The following RORA variants were observed in gnomAD, a reference collection of about 807,000 sequenced individuals.
RORA encodes the protein nuclear receptor ROR-alpha.
RORA carries 7 observed loss-of-function variants against 69.5 expected under a neutral mutation model. The ratio of observed to expected loss-of-function variants is 0.10; its 90% CI spans 0.06 to 0.19. The LOEUF (loss-of-function observed/expected upper bound fraction) is 0.19. RORA is among the 10% of genes least tolerant of loss of function. The pLI is 1.00. For synonymous variants in RORA, 261 were observed against 240.8 expected, an observed-to-expected ratio of 1.08 and a Z score of -0.78; for missense variants, 457 against 663.0, an observed-to-expected ratio of 0.69 and a Z score of 3.41.
chr15:60,510,633 G>A (rs2065664511), intron 5 of RORA: 1 of 152,560 alleles, frequency 6.6e-6, no homozygotes, highest in African/African-American at 2.4e-5. Flanking sequence ...TAAATGGCGG[G>A]AGTCAGGTGG....
At chr15:60,981,514 G>A in intron 1 of RORA, among the ~76,000 whole-genome samples, 1 of 151,824 alleles carries the variant, frequency 6.6e-6, no homozygotes, top group East Asian at 1.9e-4. Flanking sequence ...TTGTTCCTCT[G>A]ACTGGATACT....
At chr15:60,613,000 T>C (rs990029091) in intron 2 of RORA, among the ~76,000 whole-genome samples, 3 of 152,040 alleles carry the variant, frequency 2.0e-5, no homozygotes, top group African/African-American at 7.2e-5. Flanking sequence ...TTTTTACTTA[T>C]CTTTAAGGCC....
intron 1 of RORA, among the ~76,000 whole-genome samples, chr15:61,100,387 G>A (rs1396279806): frequency 6.6e-6 from 1 of 152,152 alleles, no homozygotes; most frequent in African/African-American, 2.4e-5. Context: ...CCCAAAGTAC[G>A]AGGATTACAG....
At chr15:61,173,172 C>T (rs1432223123) in intron 1 of RORA, among the ~76,000 whole-genome samples, 4 of 152,128 alleles carry the variant, frequency 2.6e-5, no homozygotes, top group Admixed American at 6.5e-5. Context: ...ATCCTATGAG[C>T]TGGGTACCAC....
chr15:60,553,008 C>G (rs1034371156), intron 2 of RORA, among the ~76,000 whole-genome samples: 1 of 152,124 alleles, frequency 6.6e-6, no homozygotes, highest in African/African-American at 2.4e-5. Context: ...CTCTCCAAAC[C>G]TCTATTTCCT....
chr15:60,806,962 A>G (rs1160959874), intron 1 of RORA, among the ~76,000 whole-genome samples: 1 of 152,178 alleles, frequency 6.6e-6, no homozygotes, highest in African/African-American at 2.4e-5. Context: ...ATTATACTGA[A>G]TGGGGAAAAG....
At chr15:60,843,919 T>C (rs937661907) in intron 1 of RORA, among the ~76,000 whole-genome samples, 3 of 152,204 alleles carry the variant, frequency 2.0e-5, no homozygotes, top group Non-Finnish European at 4.4e-5. Flanking sequence ...TGGCCCATCT[T>C]TCTACAGCCT....
intron 2 of RORA, among the ~76,000 whole-genome samples, chr15:60,561,065 TTTTTTG>T (rs2067529358): frequency 7.2e-6 from 1 of 138,018 alleles, no homozygotes; most frequent in African/African-American, 3.3e-5. Context: ...TGTTTTTTTT[TTTTTTG>T]TTTTGTTTTT....
intron 1 of RORA, among the ~76,000 whole-genome samples, chr15:61,076,670 C>T (rs763400751): frequency 3.9e-5 from 6 of 152,160 alleles, no homozygotes; most frequent in African/African-American, 9.6e-5. Flanking sequence ...ATCATCATGC[C>T]GTGGATCACT....
intron 1 of RORA, among the ~76,000 whole-genome samples, chr15:61,021,164 G>A (rs1214737984): frequency 6.6e-6 from 1 of 152,216 alleles, no homozygotes; most frequent in Admixed American, 6.5e-5. Context: ...GGCCTGCAAA[G>A]AGAGGTCCTC....
chr15:60,590,635 G>A (rs2068472663), intron 2 of RORA, among the ~76,000 whole-genome samples: 1 of 151,436 alleles, frequency 6.6e-6, no homozygotes, highest in African/African-American at 2.4e-5. Flanking sequence ...AACTGCAGAG[G>A]GCATTTAAGA....
chr15:61,142,150 T>G (rs1194710472), intron 1 of RORA, among the ~76,000 whole-genome samples: 1 of 35,594 alleles, frequency 2.8e-5, no homozygotes, highest in Non-Finnish European at 7.2e-5. Flanking sequence ...TTATAAAGTT[T>G]TTTTTTTTAT....
chr15:60,934,162 C>A (rs1191386739), intron 1 of RORA, among the ~76,000 whole-genome samples: 1 of 152,230 alleles, frequency 6.6e-6, no homozygotes, highest in Admixed American at 6.5e-5. Context: ...ATTAACAAGT[C>A]TCCTGCTTCC....
chr15:61,201,237 T>C (rs938034052), intron 1 of RORA, among the ~76,000 whole-genome samples: 2 of 152,176 alleles, frequency 1.3e-5, no homozygotes, highest in Non-Finnish European at 2.9e-5. Flanking sequence ...AATGTCAAAG[T>C]CTCTGTGCAT....
intron 1 of RORA, among the ~76,000 whole-genome samples, chr15:61,006,848 C>T (rs916738442): frequency 6.6e-6 from 1 of 152,122 alleles, no homozygotes; most frequent in East Asian, 1.9e-4. Flanking sequence ...TTATTTCTAT[C>T]TCTATTACAG....
chr15:61,220,767 C>T (rs2080088274), intron 1 of RORA, among the ~76,000 whole-genome samples: 1 of 152,208 alleles, frequency 6.6e-6, no homozygotes, highest in African/African-American at 2.4e-5. Flanking sequence ...TTCGTCATAA[C>T]TTCTCAAAGT....
Position 60,946,393 on chromosome 15 carries a change from G to T in RORA, c.167-267707C>A, listed in dbSNP as rs182855855. 5.1e-3 allele frequency among the ~76,000 whole-genome samples: 781 copies of T among 152,250 alleles called. 4 individuals carry two copies. Among genetic ancestry groups the T allele is most frequent in the Non-Finnish European group, 7.4e-3 (503 of 68,022 alleles). ...CCTGATTCTTCTGCCTCAGCCTGCC[G>T]AGTGCCTGCGATTGCAGGCGCGCGC... On this transcript the variant is annotated intron_variant, in intron 1 of 10. Coordinates refer to ENST00000335670, the MANE Select transcript of RORA (RefSeq NM_134261.3).
At chr15:60,540,899 A>G (rs1475756277) in intron 2 of RORA, among the ~76,000 whole-genome samples, 2 of 152,224 alleles carry the variant, frequency 1.3e-5, no homozygotes, top group African/African-American at 4.8e-5. Flanking sequence ...TCACAGGAAC[A>G]TGGTGTCATG....
intron 1 of RORA, among the ~76,000 whole-genome samples, chr15:60,779,823 G>T (rs1355664935): frequency 6.6e-6 from 1 of 152,144 alleles, no homozygotes; most frequent in Non-Finnish European, 1.5e-5. Flanking sequence ...AAAACATCAT[G>T]ATCAGTCAAC....
Sources: gnomAD v4.1 joint callset for allele counts (sites outside exome capture counted in the v4.1 genomes callset) on GRCh38, gnomAD v4.1.1 for gene constraint, MANE v1.5 for transcripts, NCBI Gene and HGNC (gene_info 2026-07-23, HGNC 2026-07-21) for gene names.